Variants in PTPRD observed in about 807,000 individuals in gnomAD.
PTPRD encodes the protein protein tyrosine phosphatase receptor type D, also known as receptor-type tyrosine-protein phosphatase delta.
A neutral mutation model predicts 214.5 loss-of-function variants in PTPRD; 34 were observed. The observed-to-expected ratio is 0.16, with a 90% CI of 0.12 to 0.21. PTPRD has a LOEUF of 0.21. Among genes scored for constraint, PTPRD ranks in the 10% least tolerant of loss-of-function variants. The probability of loss-of-function intolerance (pLI) is 1.00; values close to 1 mark genes in which losing one functional copy is unlikely to be tolerated. For missense variants in PTPRD, 2,545 were observed against 2,398.7 expected (o/e 1.06, Z -1.27); for synonymous variants, 1,128 against 845.7 (o/e 1.33, Z -5.79).
intron 5 of PTPRD, among the ~76,000 whole-genome samples, chr9:9,818,809 G>A (rs2049671114): frequency 6.6e-6 from 1 of 151,230 alleles, no homozygotes; most frequent in African/African-American, 2.4e-5. Context: ...CCAGCTACTC[G>A]GGAGGCTGAG....
At chr9:9,587,374 T>C (rs1477018358) in intron 7 of PTPRD, among the ~76,000 whole-genome samples, 2 of 152,090 alleles carry the variant, frequency 1.3e-5, no homozygotes, top group Non-Finnish European at 2.9e-5. Flanking sequence ...ATTTATTTTA[T>C]AGACAAATTA....
chr9:9,353,622 C>CT (rs995822339), intron 9 of PTPRD, among the ~76,000 whole-genome samples: 5 of 149,948 alleles, frequency 3.3e-5, no homozygotes, highest in Non-Finnish European at 7.4e-5. Flanking sequence ...GTTTTCATGC[C>CT]TTTAAAAAAA....
intron 36 of PTPRD, among the ~76,000 whole-genome samples, chr9:8,396,276 T>C (rs953874740): frequency 3.9e-5 from 6 of 152,170 alleles, no homozygotes; most frequent in African/African-American, 1.4e-4. Flanking sequence ...ATGGAAAAAG[T>C]CTGCTTATTC....
intron 10 of PTPRD, among the ~76,000 whole-genome samples, chr9:9,175,641 A>AAAAAAAAAC (rs1569558778): frequency 7.1e-6 from 1 of 140,364 alleles, no homozygotes; most frequent in Non-Finnish European, 1.5e-5. Context: ...AAAAAAAAAA[A>AAAAAAAAAC]AAAAAAAAAG....
chr9:10,302,484 G>C (rs1397402065), intron 3 of PTPRD, among the ~76,000 whole-genome samples: 1 of 152,202 alleles, frequency 6.6e-6, no homozygotes, highest in East Asian at 1.9e-4. Flanking sequence ...TGGATAAAGA[G>C]TCAACTCCCA....
chr9:9,655,016 T>C (rs952901017), intron 7 of PTPRD, among the ~76,000 whole-genome samples: 2 of 152,030 alleles, frequency 1.3e-5, no homozygotes, highest in African/African-American at 4.8e-5. Flanking sequence ...GATATAGATA[T>C]ATAGATATAG....
At chr9:9,308,800 AT>A (rs1957954854) in intron 9 of PTPRD, among the ~76,000 whole-genome samples, 1 of 152,162 alleles carries the variant, frequency 6.6e-6, no homozygotes, top group Non-Finnish European at 1.5e-5. Context: ...TTAATGTTGA[AT>A]TTTTATCACA....
chr9:8,454,895 T>C (rs2096123686), intron 33 of PTPRD, among the ~76,000 whole-genome samples: 1 of 151,840 alleles, frequency 6.6e-6, no homozygotes, highest in Non-Finnish European at 1.5e-5. Context: ...ACTGCCACAA[T>C]TAATTATATC....
At chr9:9,420,788 T>A (rs1227112615) in intron 8 of PTPRD, among the ~76,000 whole-genome samples, 1 of 151,996 alleles carries the variant, frequency 6.6e-6, no homozygotes, top group Non-Finnish European at 1.5e-5. Flanking sequence ...GATTAAATTA[T>A]TAAAAAACAG....
intron 2 of PTPRD, among the ~76,000 whole-genome samples, chr9:10,433,602 G>C (rs1032160534): frequency 6.6e-6 from 1 of 151,946 alleles, no homozygotes; most frequent in Admixed American, 6.6e-5. Context: ...TTACCACATG[G>C]AAAACTTGTC....
intron 11 of PTPRD, among the ~76,000 whole-genome samples, chr9:9,008,245 T>TTTATTTATTTATTTC (rs1289588309): frequency 1.1e-4 from 2 of 18,874 alleles, no homozygotes; most frequent in Non-Finnish European, 1.6e-4. Flanking sequence ...TTATTTATTT[T>TTTATTTATTTATTTC]TGAGACAGAG....
Position 8,500,725 on chromosome 9 carries a change from T to A in PTPRD, c.2128+29A>T, listed in dbSNP as rs188911321. On this transcript the variant is annotated intron_variant, in intron 24 of 45. Transcript: ENST00000381196. ...GCAGATCAAGACTGTGTCAGAAGGG[T>A]GCAAACTGACGTAGCGGAGGCAACA... The A allele has an allele frequency of 8.7e-6, 14 of 1,608,618 alleles. No individual in the cohort carries two copies. In the East Asian group the frequency reaches 2.2e-4, roughly 26 times the overall value.
chr9:9,124,292 T>C (rs568038786), intron 10 of PTPRD, among the ~76,000 whole-genome samples: 1 of 152,314 alleles, frequency 6.6e-6, no homozygotes. Context: ...TAAGTGTTAC[T>C]TACATATATT....
intron 34 of PTPRD, among the ~76,000 whole-genome samples, chr9:8,448,746 A>G (rs1214360207): frequency 6.6e-6 from 1 of 152,222 alleles, no homozygotes; most frequent in Non-Finnish European, 1.5e-5. Flanking sequence ...TGCTGAACAT[A>G]ATAAACCATG....
intron 10 of PTPRD, among the ~76,000 whole-genome samples, chr9:9,068,627 C>G (rs1395526865): frequency 1.3e-5 from 2 of 150,392 alleles, no homozygotes; most frequent in African/African-American, 2.4e-5. Flanking sequence ...TTTCTTTTTT[C>G]TTTTGAGATG....
chr9:10,467,281 T>A (rs555728710), intron 2 of PTPRD, among the ~76,000 whole-genome samples: 1 of 152,376 alleles, frequency 6.6e-6, no homozygotes, highest in Non-Finnish European at 1.5e-5. Flanking sequence ...CCTGTCAATA[T>A]ACTGTGTTGT....
At chr9:8,927,973 T>C (rs895972342) in intron 11 of PTPRD, among the ~76,000 whole-genome samples, 1 of 152,244 alleles carries the variant, frequency 6.6e-6, no homozygotes, top group South Asian at 2.1e-4. Context: ...GATGAGCTTT[T>C]TTTCATATTT....
chr9:10,116,729 A>T (rs997037201), intron 3 of PTPRD, among the ~76,000 whole-genome samples: 19 of 151,992 alleles, frequency 1.3e-4, no homozygotes, highest in Non-Finnish European at 2.8e-4. Context: ...AAACCCTCCA[A>T]AGGCTCCCCA....
rs373181595 is a variant in PTPRD at position 8,633,346 on chromosome 9, C to T, written c.323G>A (p.Ser108Asn). 9.9e-6 allele frequency: 16 copies of T among 1,612,496 alleles called. No individual in the cohort carries two copies. Among genetic ancestry groups the T allele is most frequent in the African/African-American group, 4.0e-5 (3 of 74,808 alleles). ...CVASNNVGEI[S>N]VSTRLTVLRE... ...CAAAACTGTGAGTCTGGTGGATACA[C>T]TTATTTCTCCCACATTATTTGAGGC... Residue 108 changes from serine (S) to asparagine (N), a missense_variant, in exon 14 of 46, where the codon AGT becomes AAT. Coordinates refer to ENST00000381196, the MANE Select transcript of PTPRD (RefSeq NM_002839.4).
Sources: gnomAD v4.1 joint callset for allele counts (sites outside exome capture counted in the v4.1 genomes callset) on GRCh38, gnomAD v4.1.1 for gene constraint, MANE v1.5 for transcripts, NCBI Gene and HGNC (gene_info 2026-07-23, HGNC 2026-07-21) for gene names.